The following CSMD1 variants were observed in gnomAD, a reference collection of about 807,000 sequenced individuals.
The protein encoded by CSMD1 is CUB and Sushi multiple domains 1, also known as CUB and sushi domain-containing protein 1.
CSMD1 carries 213 observed loss-of-function variants against 417.5 expected under a neutral mutation model. That is an observed-to-expected ratio of 0.51 (90% CI 0.46 to 0.57). The LOEUF is 0.57. Among genes scored for constraint, CSMD1 ranks in the 20% least tolerant of loss-of-function variants. The pLI, the probability that CSMD1 is intolerant of heterozygous loss-of-function variation, is 0.00. For synonymous variants in CSMD1, 2,862 were observed against 1,736.8 expected, an observed-to-expected ratio of 1.65 and a Z score of -16.11; for missense variants, 6,923 against 4,529.7, an observed-to-expected ratio of 1.53 and a Z score of -15.17.
At chr8:4,480,223 T>C (rs1265219170) in intron 2 of CSMD1, among the ~76,000 whole-genome samples, 1 of 150,188 alleles carries the variant, frequency 6.7e-6, no homozygotes, top group South Asian at 2.1e-4. Flanking sequence ...GAGAAGGAAA[T>C]TACTGCTGTA....
chr8:4,388,265 C>G (rs941291155), intron 3 of CSMD1, among the ~76,000 whole-genome samples: 6 of 149,032 alleles, frequency 4.0e-5, no homozygotes, highest in African/African-American at 7.4e-5. Context: ...TGGAATGAAC[C>G]CAAATATCCA....
intron 3 of CSMD1, among the ~76,000 whole-genome samples, chr8:4,414,390 T>A (rs35516630): frequency 1.2e-4 from 19 of 152,020 alleles, no homozygotes; most frequent in African/African-American, 4.6e-4. Flanking sequence ...AAGGACTGTA[T>A]AGAACTGTAG....
intron 3 of CSMD1, among the ~76,000 whole-genome samples, chr8:4,061,143 C>T (rs1798951251): frequency 6.6e-6 from 1 of 152,132 alleles, no homozygotes; most frequent in Non-Finnish European, 1.5e-5. Context: ...CTCATCTCAT[C>T]CCCATCCTTG....
intron 12 of CSMD1, among the ~76,000 whole-genome samples, chr8:3,437,983 C>T (rs1297833918): frequency 6.6e-6 from 1 of 151,986 alleles, no homozygotes; most frequent in South Asian, 2.1e-4. Flanking sequence ...TCAGATGATC[C>T]GCTCACCTCA....
At chr8:3,640,486 A>C (rs1797253767) in intron 7 of CSMD1, among the ~76,000 whole-genome samples, 1 of 152,192 alleles carries the variant, frequency 6.6e-6, no homozygotes, top group Non-Finnish European at 1.5e-5. Flanking sequence ...AGTTTTGTCT[A>C]ATCAGTTAAT....
intron 3 of CSMD1, among the ~76,000 whole-genome samples, chr8:4,124,450 C>A (rs1202213667): frequency 6.6e-6 from 1 of 152,106 alleles, no homozygotes; most frequent in African/African-American, 2.4e-5. Context: ...ACCCACGAAG[C>A]TGCAGATGGC....
chr8:4,803,986 G>A (rs1388734976), intron 1 of CSMD1, among the ~76,000 whole-genome samples: 1 of 152,198 alleles, frequency 6.6e-6, no homozygotes, highest in African/African-American at 2.4e-5. Flanking sequence ...GTCAAAGACG[G>A]CAGGAGCCAC....
At chr8:3,102,617 A>T (rs904038609) in intron 46 of CSMD1, among the ~76,000 whole-genome samples, 2 of 152,224 alleles carry the variant, frequency 1.3e-5, no homozygotes, top group African/African-American at 4.8e-5. Flanking sequence ...GTCATCATGC[A>T]AAGATAACAG....
chr8:3,466,155 T>A (rs934404736), intron 12 of CSMD1, among the ~76,000 whole-genome samples: 1 of 152,184 alleles, frequency 6.6e-6, no homozygotes, highest in African/African-American at 2.4e-5. Context: ...TTACATGTTT[T>A]ACTCAGTTGA....
At chr8:4,697,562 C>T (rs1159534356) in intron 1 of CSMD1, among the ~76,000 whole-genome samples, 4 of 152,026 alleles carry the variant, frequency 2.6e-5, no homozygotes, top group Non-Finnish European at 5.9e-5. Flanking sequence ...GATAGCAAAA[C>T]AATTGTAGTA....
intron 18 of CSMD1, among the ~76,000 whole-genome samples, chr8:3,373,991 T>C (rs1810146602): frequency 6.7e-6 from 1 of 150,358 alleles, no homozygotes; most frequent in Non-Finnish European, 1.5e-5. Flanking sequence ...CTTGCTTCTT[T>C]GCCCAGGCTG....
chr8:4,757,071 A>G (rs1811712769), intron 1 of CSMD1, among the ~76,000 whole-genome samples: 1 of 152,266 alleles, frequency 6.6e-6, no homozygotes, highest in Non-Finnish European at 1.5e-5. Context: ...TGAAACAGAA[A>G]TGGCAAGAAA....
chr8:3,386,833 C>G (rs1563335088), intron 18 of CSMD1, among the ~76,000 whole-genome samples: 1 of 152,054 alleles, frequency 6.6e-6, no homozygotes, highest in South Asian at 2.1e-4. Context: ...CAAAATACCC[C>G]AAGTTTTTTT....
intron 54 of CSMD1, among the ~76,000 whole-genome samples, chr8:2,980,337 C>A (rs1805296744): frequency 6.6e-6 from 1 of 151,830 alleles, no homozygotes; most frequent in South Asian, 2.1e-4. Flanking sequence ...CCTCCTCCTC[C>A]TCCTCCATTT....
At chr8:4,561,185 C>A (rs780821719) in intron 2 of CSMD1, among the ~76,000 whole-genome samples, 2 of 152,126 alleles carry the variant, frequency 1.3e-5, no homozygotes, top group Admixed American at 6.5e-5. Flanking sequence ...TCCTGGCCAA[C>A]CTGGTGAAAC....
intron 12 of CSMD1, among the ~76,000 whole-genome samples, chr8:3,457,418 T>C (rs1816222699): frequency 1.3e-5 from 2 of 152,168 alleles, no homozygotes; most frequent in Admixed American, 1.3e-4. Flanking sequence ...CTCACTCCCT[T>C]TCCCAAGAGA....
chr8:4,246,290 T>G (rs1272231144), intron 3 of CSMD1, among the ~76,000 whole-genome samples: 3 of 152,174 alleles, frequency 2.0e-5, no homozygotes, highest in Non-Finnish European at 4.4e-5. Flanking sequence ...TTTCTGTTCC[T>G]GGGTTAGTTT....
rs1454997886 is a variant in CSMD1 at position 4,042,316 on chromosome 8, G to C, written c.416-10217C>G. ...GGGGGTAGGAGTAATGTTCTGTGTAGAGAGACAAAGATAAAGGGGCCAGGT... is the reference window on the plus strand; with the variant it reads ...GGGGGTAGGAGTAATGTTCTGTGTACAGAGACAAAGATAAAGGGGCCAGGT... On this transcript the variant is annotated intron_variant, in intron 3 of 69. Transcript: ENST00000635120. 3.3e-5 allele frequency among the ~76,000 whole-genome samples: 5 copies of C among 152,152 alleles called. No homozygotes were observed. The East Asian group carries it at 7.7e-4, about 23-fold the overall frequency.
intron 3 of CSMD1, among the ~76,000 whole-genome samples, chr8:4,042,474 G>A (rs1306025542): frequency 1.3e-5 from 2 of 151,930 alleles, no homozygotes; most frequent in African/African-American, 4.8e-5. Flanking sequence ...ATATCACAGG[G>A]TAGAGAAACA....
Sources: gnomAD v4.1 joint callset for allele counts (sites outside exome capture counted in the v4.1 genomes callset) on GRCh38, gnomAD v4.1.1 for gene constraint, MANE v1.5 for transcripts, NCBI Gene and HGNC (gene_info 2026-07-23, HGNC 2026-07-21) for gene names.